C19orf44: variants seen among roughly 807,000 people sequenced by gnomAD.
The protein encoded by C19orf44 is chromosome 19 open reading frame 44, also known as uncharacterized protein C19orf44.
Under a neutral mutation model 50.7 loss-of-function variants are expected in C19orf44, and 43 were observed. The observed-to-expected ratio is 0.85, with a 90% CI of 0.66 to 1.09. The LOEUF (loss-of-function observed/expected upper bound fraction) is 1.09. C19orf44 is among the 50% of genes least tolerant of loss of function. The pLI is 0.00. For missense variants in C19orf44, 722 were observed against 836.2 expected (o/e 0.86, Z 1.68); for synonymous variants, 298 against 334.7 (o/e 0.89, Z 1.20).
Position 16,520,983 on chromosome 19 carries a change from G to A in C19orf44, c.*930G>A, listed in dbSNP as rs976329233. 1 of 1,323,936 alleles carries A rather than the reference G, an allele frequency of 7.6e-7. No homozygotes were observed. Among genetic ancestry groups the A allele is most frequent in the Non-Finnish European group, 1.1e-6 (1 of 921,192 alleles). The allele number at this position is 1,323,936 out of a possible 1,614,324, so 82.0% of individuals were successfully genotyped here. A position where few individuals can be genotyped will look rare whatever the true frequency, so the allele number is the denominator to read the frequency against. On this transcript the variant is annotated 3_prime_UTR_variant, in exon 9 of 9. Transcript: ENST00000221671. The surrounding 1 kb of genome is among the most constrained non-coding windows in gnomAD (Gnocchi z 4.0). ...CAAGGAAGTCGTGAAAAAGTCATCA[G>A]GAGTTAATCCACAGAACCTTGGAGA...
rs1048380810 is a variant in C19orf44 at position 16,509,902 on chromosome 19, A to T, written c.1553A>T (p.Lys518Met). The T allele has an allele frequency of 9.9e-6, 16 of 1,614,148 alleles. No individual in the cohort carries two copies. Among genetic ancestry groups the T allele is most frequent in the Admixed American group, 1.7e-5 (1 of 60,010 alleles). ...DLPQTAESRK[K>M]SGRHVTRVLV... ...CCACAAACAGCCGAGTCTAGGAAAAAGTCGGGCAGGCACGTGACAAGAGTG... is the reference window on the plus strand; with the variant it reads ...CCACAAACAGCCGAGTCTAGGAAAATGTCGGGCAGGCACGTGACAAGAGTG... Residue 518 changes from lysine (K) to methionine (M), a missense_variant, in exon 5 of 9, where the codon AAG becomes ATG. Transcript: ENST00000221671.
At position 16,503,250 on chromosome 19, in the gene C19orf44, C is replaced by T; in HGVS notation, c.945C>T (p.Ser315=). 1.9e-6 allele frequency: 3 copies of T among 1,614,134 alleles called. No individual in the cohort carries two copies. The highest frequency in any genetic ancestry group is 2.5e-6 in the Non-Finnish European group (3 of 1,180,036). Residue 315 remains serine (S), a synonymous_variant, in exon 3 of 9, where the codon TCC becomes TCT. Transcript: ENST00000221671. ...CCGCCTCCCACACGCCGTCAGTTTCCATCACAGGCGCCTTTTCAAACTCAG... is the reference window on the plus strand; with the variant it reads ...CCGCCTCCCACACGCCGTCAGTTTCTATCACAGGCGCCTTTTCAAACTCAG... ...SDTASHTPSV[S]ITGAFSNSVS...
chr19:16,510,688 C>T (rs1383709398), intron 5 of C19orf44, among the ~76,000 whole-genome samples: 1 of 152,084 alleles, frequency 6.6e-6, no homozygotes, highest in Non-Finnish European at 1.5e-5. Context: ...ATGCCTTTGT[C>T]CTGGAGAATG....
At chr19:16,504,854 T>C (rs1174614146) in intron 3 of C19orf44, among the ~76,000 whole-genome samples, 1 of 150,338 alleles carries the variant, frequency 6.7e-6, no homozygotes, top group African/African-American at 2.5e-5. Flanking sequence ...CATCTCGCTC[T>C]GTCACCCAGG....
At chr19:16,500,306 A>C (rs915575148) in intron 1 of C19orf44, among the ~76,000 whole-genome samples, 2 of 151,592 alleles carry the variant, frequency 1.3e-5, no homozygotes, top group Non-Finnish European at 2.9e-5. Context: ...CGATTTTCAC[A>C]CGTCACCTTA....
chr19:16,508,930 C>T (rs2093448417), intron 4 of C19orf44, among the ~76,000 whole-genome samples: 2 of 151,850 alleles, frequency 1.3e-5, no homozygotes, highest in Non-Finnish European at 2.9e-5. Flanking sequence ...AAGTGATTCT[C>T]CTGCCTTAGC....
chr19:16,520,562 CA>C lies in C19orf44; in HGVS notation c.*510del. The stretch of plus-strand genomic sequence containing the variant: ...CCCAGTGGATGGGCTGCACCCAGCC[CA>C]CCCTGGCCCTCAGGTTCCTAGACCA... On this transcript the variant is annotated 3_prime_UTR_variant, in exon 9 of 9. Coordinates refer to ENST00000221671, the MANE Select transcript of C19orf44 (RefSeq NM_032207.4). This position sits in a 1 kb window ranked among gnomAD's most constrained non-coding sequence, Gnocchi z 4.0. 3.8e-6 allele frequency: 6 copies of C among 1,568,696 alleles called. 2 individuals carry two copies. In the South Asian group the frequency reaches 7.2e-5, roughly 19 times the overall value.
Position 16,520,002 on chromosome 19 carries a change from G to A in C19orf44, c.*41-92G>A. 1.2e-6 allele frequency: 1 copy of A among 849,926 alleles called. No individual in the cohort carries two copies. Among genetic ancestry groups the A allele is most frequent in the Non-Finnish European group, 1.9e-6 (1 of 533,874 alleles). 52.6% of individuals were successfully genotyped at this position (849,926 alleles called of 1,614,324 possible). On this transcript the variant is annotated intron_variant, in intron 8 of 8. Transcript: ENST00000221671. This position sits in a 1 kb window ranked among gnomAD's most constrained non-coding sequence, Gnocchi z 4.0. ...CCTCAGGCTTCGCCAAGTGGCTACT[G>A]TGGTGAAGGGTGAGGGGTGCCACTG... is the stretch of plus-strand genomic sequence containing the variant.
chr19:16,520,528 A>G lies in C19orf44; in HGVS notation c.*475A>G. On this transcript the variant is annotated 3_prime_UTR_variant, in exon 9 of 9. Coordinates refer to ENST00000221671, the MANE Select transcript of C19orf44 (RefSeq NM_032207.4). This position sits in a 1 kb window ranked among gnomAD's most constrained non-coding sequence, Gnocchi z 4.0. Reference sequence around the variant, plus strand: ...GTCCGCTGTGGGGAGAGGCCTGATGATCAGGTGCCCCAGTGGATGGGCTGC... The same window carrying G: ...GTCCGCTGTGGGGAGAGGCCTGATGGTCAGGTGCCCCAGTGGATGGGCTGC... 6.2e-7 allele frequency: 1 copy of G among 1,603,590 alleles called. No homozygotes were observed. The highest frequency in any genetic ancestry group is 1.1e-5 in the South Asian group (1 of 89,430).
chr19:16,521,326 T>C lies in C19orf44; in HGVS notation c.*1273T>C, dbSNP rs1437918311. 3.4e-6 allele frequency: 2 copies of C among 584,820 alleles called. No homozygotes were observed. Among genetic ancestry groups the C allele is most frequent in the Non-Finnish European group, 6.0e-6 (2 of 334,432 alleles). The allele number at this position is 584,820 out of a possible 1,614,324, so 36.2% of individuals were successfully genotyped here. On this transcript the variant is annotated 3_prime_UTR_variant, in exon 9 of 9. Transcript: ENST00000221671. Reference sequence around the variant, plus strand: ...ACCTTCCCTAACTTCTTCTGATGTGTCTCCATTAAAACGCCCTTCATTGAG... The same window carrying C: ...ACCTTCCCTAACTTCTTCTGATGTGCCTCCATTAAAACGCCCTTCATTGAG...
chr19:16,512,993 C>A, intron 5 of C19orf44, 21 bp from the exon 6 acceptor site: 1 of 1,608,408 alleles, frequency 6.2e-7, no homozygotes, highest in Non-Finnish European at 8.5e-7. Context: ...CTGCTTACCC[C>A]TCTCTTTGTC....
At chr19:16,514,926 CCT>C (rs2093467666) in intron 7 of C19orf44, among the ~76,000 whole-genome samples, 1 of 152,228 alleles carries the variant, frequency 6.6e-6, no homozygotes, top group Admixed American at 6.5e-5. Flanking sequence ...ACTAAAGGGA[CCT>C]ACTGTTCGTG....
intron 4 of C19orf44, among the ~76,000 whole-genome samples, chr19:16,507,494 CTTT>C (rs924385798): frequency 7.2e-6 from 1 of 138,818 alleles, no homozygotes; most frequent in Non-Finnish European, 1.6e-5. Context: ...TTATTTTAAA[CTTT>C]TTTTTTTTTT....
At chr19:16,518,020 A>AAAATC (rs1420662342) in intron 8 of C19orf44, 1 of 152,394 alleles carries the variant, frequency 6.6e-6, no homozygotes, top group East Asian at 1.9e-4. Flanking sequence ...AATCTAGAAC[A>AAAATC]AAATCAAATA....
chr19:16,500,853 G>A lies in C19orf44; in HGVS notation c.61G>A (p.Val21Ile). The change falls in exon 2 of 9, where the codon GTT (valine) becomes ATT (isoleucine). Residue 21 changes from valine to isoleucine, a missense_variant. By Grantham distance (29) the Val-to-Ile change is conservative. Coordinates refer to ENST00000221671, the MANE Select transcript of C19orf44 (RefSeq NM_032207.4). ...TGATGTTTTTGGTGACTTCAGTGAT[G>A]TTTCCTTGGAAGATTCAACAATGGA... ...MRDVFGDFSD[V>I]SLEDSTMEEI... The A allele has an allele frequency of 6.2e-7, 1 of 1,610,156 alleles. No individual in the cohort carries two copies. The highest frequency in any genetic ancestry group is 8.5e-7 in the Non-Finnish European group (1 of 1,178,912).
At chr19:16,514,692 AG>A in intron 7 of C19orf44, 29 bp downstream of exon 7, 1 of 1,511,650 alleles carries the variant, frequency 6.6e-7, no homozygotes, top group South Asian at 1.3e-5. Flanking sequence ...GGGCAGGGGC[AG>A]GGCAGTAGGG....
chr19:16,512,834 G>C (rs753246506), intron 5 of C19orf44, among the ~76,000 whole-genome samples, 180 bp from the exon 6 acceptor site: 1 of 150,120 alleles, frequency 6.7e-6, no homozygotes, highest in Non-Finnish European at 1.5e-5. Flanking sequence ...CTCCAGACTG[G>C]GCAATAGAGC....
At chr19:16,509,394 G>A in intron 4 of C19orf44, 105 bp from the exon 5 acceptor site, 1 of 1,430,914 alleles carries the variant, frequency 7.0e-7, no homozygotes, top group Non-Finnish European at 9.4e-7. Context: ...GTGTCCCCTT[G>A]TCTGCGGGAG....
At position 16,517,223 on chromosome 19, in the gene C19orf44, C is replaced by A; in HGVS notation, c.1903-7C>A. 1 of 1,613,804 alleles carries A rather than the reference C, an allele frequency of 6.2e-7. No individual in the cohort carries two copies. The highest frequency in any genetic ancestry group is 8.5e-7 in the Non-Finnish European group (1 of 1,179,786). On this transcript the variant is annotated splice_region_variant and splice_polypyrimidine_tract_variant and intron_variant, in intron 7 of 8. Transcript: ENST00000221671. ...GGTGATGGCGTGGTCTGTTCTCTGC[C>A]TGACAGTACATTAGGTGCCACAGAC...
Sources: gnomAD v4.1 joint callset for allele counts (sites outside exome capture counted in the v4.1 genomes callset) on GRCh38, gnomAD v4.1.1 for gene constraint, Gnocchi (gnomAD v3.1) non-coding constraint, MANE v1.5 for transcripts, NCBI Gene and HGNC (gene_info 2026-07-23, HGNC 2026-07-21) for gene names.